DOCK7: variants seen among roughly 807,000 people sequenced by gnomAD.
DOCK7 encodes the protein dedicator of cytokinesis 7.
A neutral mutation model predicts 271.0 loss-of-function variants in DOCK7; 138 were observed. That is an observed-to-expected ratio of 0.51 (90% CI 0.44 to 0.59). The LOEUF (loss-of-function observed/expected upper bound fraction) is 0.59. Ranked by LOEUF, DOCK7 falls within the 20% of genes least tolerant of loss-of-function variation. The pLI is 0.00. For missense variants in DOCK7, 2,066 were observed against 2,592.4 expected, an observed-to-expected ratio of 0.80 and a Z score of 4.41; for synonymous variants, 823 against 876.1, an observed-to-expected ratio of 0.94 and a Z score of 1.07.
rs10889346 is a variant in DOCK7, at chr1:62,579,231, T to C, written c.1872-265A>G. 0.98 allele frequency among the ~76,000 whole-genome samples: 149,049 copies of C among 152,208 alleles called. 73,062 individuals carry two copies. Among genetic ancestry groups the C allele is most frequent in the Middle Eastern group, 1 (294 of 294 alleles). The stretch of plus-strand genomic sequence containing the variant: ...TTAAAAGTTCATTAATAATCACCAC[T>C]TTGATCCTGAGATCTCCATTAGATT... On this transcript the variant is annotated intron_variant, in intron 16 of 49. Coordinates refer to ENST00000635253, the MANE Select transcript of DOCK7 (RefSeq NM_001367561.1).
intron 14 of DOCK7, among the ~76,000 whole-genome samples, chr1:62,614,339 T>C (rs928268743): frequency 3.3e-5 from 5 of 152,084 alleles, no homozygotes; most frequent in Non-Finnish European, 5.9e-5. Flanking sequence ...TTTGTTTTTT[T>C]TTAAAATAAA....
rs1166715249 is a variant in DOCK7 at position 62,675,062 on chromosome 1, T to G, written c.39-11932A>C. On this transcript the variant is annotated intron_variant, in intron 1 of 49. Transcript: ENST00000635253. The stretch of plus-strand genomic sequence containing the variant: ...AATTATATATCTAAAGAAGGACTTT[T>G]ACTCAGAACACATAAAGAACTCCTA... 2.0e-5 allele frequency among the ~76,000 whole-genome samples: 3 copies of G among 152,222 alleles called. No individual in the cohort carries two copies. The East Asian group carries it at 5.8e-4, about 29-fold the overall frequency.
At chr1:62,469,439 C>G (rs1297958819) in intron 48 of DOCK7, among the ~76,000 whole-genome samples, 1 of 152,174 alleles carries the variant, frequency 6.6e-6, no homozygotes, top group African/African-American at 2.4e-5. Flanking sequence ...CAAGGACTTA[C>G]ATCTAATACC....
chr1:62,668,910 G>C (rs1329838128), intron 1 of DOCK7, among the ~76,000 whole-genome samples: 1 of 138,780 alleles, frequency 7.2e-6, no homozygotes, highest in Non-Finnish European at 1.5e-5. Context: ...GGGCAATAAA[G>C]TGAGACCTTG....
chr1:62,619,795 T>A, intron 13 of DOCK7, 105 bp downstream of exon 13: 1 of 592,720 alleles, frequency 1.7e-6, no homozygotes, highest in Non-Finnish European at 2.7e-6. Context: ...CATAGAAAAA[T>A]GTCTGGGCCA....
At chr1:62,457,805 A>C in intron 48 of DOCK7, 100 bp from the exon 49 acceptor site, 1 of 1,102,254 alleles carries the variant, frequency 9.1e-7, no homozygotes, top group Non-Finnish European at 1.3e-6. Flanking sequence ...ATGTGGGCTT[A>C]ATGACACACA....
chr1:62,654,301 T>C, intron 2 of DOCK7, 142 bp from the exon 3 acceptor site: 1 of 789,440 alleles, frequency 1.3e-6, no homozygotes, highest in Non-Finnish European at 1.9e-6. Flanking sequence ...TTCAACCAGA[T>C]GCACTAAAGA....
chr1:62,600,295 C>A (rs1330217869), intron 14 of DOCK7, among the ~76,000 whole-genome samples: 1 of 151,396 alleles, frequency 6.6e-6, no homozygotes, highest in Admixed American at 6.6e-5. Flanking sequence ...ATTAAAAAAA[C>A]AAAACTCTAA....
chr1:62,554,011 T>C, intron 21 of DOCK7, among the ~76,000 whole-genome samples: 1 of 152,162 alleles, frequency 6.6e-6, no homozygotes, highest in Non-Finnish European at 1.5e-5. Flanking sequence ...CTAACATCTC[T>C]TAAATTAAAC....
intron 39 of DOCK7, 73 bp downstream of exon 39, chr1:62,495,508 T>A: frequency 1.1e-6 from 1 of 891,586 alleles, no homozygotes; most frequent in Non-Finnish European, 1.6e-6. Flanking sequence ...GTGTTTATTT[T>A]TTTCATCTAA....
At chr1:62,687,530 A>C (rs1661934568) in intron 1 of DOCK7, 1 of 68,750 alleles carries the variant, frequency 1.5e-5, no homozygotes, top group Admixed American at 1.5e-4. Context: ...AGGCGAACTC[A>C]GAACAAGCTT....
At chr1:62,553,890 C>T (rs1216198604) in intron 21 of DOCK7, among the ~76,000 whole-genome samples, 2 of 151,888 alleles carry the variant, frequency 1.3e-5, no homozygotes, top group African/African-American at 2.4e-5. Flanking sequence ...CCTTTCACTT[C>T]GGTATAGTTG....
At chr1:62,641,666 G>T in intron 7 of DOCK7, 1 of 436,494 alleles carries the variant, frequency 2.3e-6, no homozygotes, top group Non-Finnish European at 4.7e-6. Flanking sequence ...CACAATGGCC[G>T]CTGGGCAACC....
intron 1 of DOCK7, among the ~76,000 whole-genome samples, chr1:62,686,519 A>G (rs1022832436): frequency 1.3e-5 from 2 of 152,128 alleles, no homozygotes; most frequent in Non-Finnish European, 2.9e-5. Context: ...CATCATCATC[A>G]GAAGTAAGAC....
chr1:62,487,972 CAAT>C (rs1418241567), intron 42 of DOCK7: 3 of 152,328 alleles, frequency 2.0e-5, no homozygotes, highest in African/African-American at 7.2e-5. Flanking sequence ...TAATAGATGA[CAAT>C]AAAATCCTGA....
intron 34 of DOCK7, among the ~76,000 whole-genome samples, chr1:62,509,046 A>T (rs1303106382): frequency 6.6e-6 from 1 of 152,168 alleles, no homozygotes; most frequent in Non-Finnish European, 1.5e-5. Flanking sequence ...ATTAATTTAC[A>T]GTTTACAAAT....
intron 37 of DOCK7, among the ~76,000 whole-genome samples, chr1:62,497,169 C>T (rs1273879542): frequency 1.3e-5 from 2 of 152,162 alleles, no homozygotes; most frequent in South Asian, 2.1e-4. Context: ...TCTTCAGTGG[C>T]ACCACTTTAT....
intron 22 of DOCK7, among the ~76,000 whole-genome samples, chr1:62,550,767 C>T (rs1165158517): frequency 6.7e-6 from 1 of 150,296 alleles, no homozygotes; most frequent in Non-Finnish European, 1.5e-5. Context: ...GTCTCACAGG[C>T]TGGAGTGCAA....
chr1:62,575,426 A>G (rs146156420), intron 18 of DOCK7, among the ~76,000 whole-genome samples: 69 of 152,234 alleles, frequency 4.5e-4, no homozygotes, highest in Admixed American at 1.0e-3. Context: ...GATAGTAAAT[A>G]TATTTTCTGT....
Sources: allele counts gnomAD v4.1 joint callset (sites outside exome capture counted in the v4.1 genomes callset), GRCh38; gene constraint gnomAD v4.1.1; transcripts MANE v1.5; gene names NCBI Gene and HGNC (gene_info 2026-07-23, HGNC 2026-07-21).